Variants in KCNQ5 observed in about 807,000 individuals in gnomAD.
KCNQ5 encodes potassium voltage-gated channel subfamily KQT member 5.
Under a neutral mutation model 98.2 loss-of-function variants are expected in KCNQ5, and 30 were observed. The observed-to-expected ratio is 0.31, with a 90% CI of 0.23 to 0.41. The LOEUF (loss-of-function observed/expected upper bound fraction) is 0.41, where lower values mean the gene tolerates loss of function less well. Ranked by LOEUF, KCNQ5 falls within the 10% of genes least tolerant of loss-of-function variation. The pLI, the probability that KCNQ5 is intolerant of heterozygous loss-of-function variation, is 1.00. For missense variants in KCNQ5, 835 were observed against 1,182.5 expected, an observed-to-expected ratio of 0.71 and a Z score of 4.31; for synonymous variants, 458 against 449.4, an observed-to-expected ratio of 1.02 and a Z score of -0.24.
At chr6:72,663,432 CTAAGAG>C (rs1374766628) in intron 1 of KCNQ5, among the ~76,000 whole-genome samples, 23 of 152,174 alleles carry the variant, frequency 1.5e-4, no homozygotes, top group Middle Eastern at 3.4e-3. Context: ...ACTAGTCTTC[CTAAGAG>C]TGAGTACACC....
chr6:72,728,133 G>C (rs552640979), intron 1 of KCNQ5, among the ~76,000 whole-genome samples: 8 of 152,244 alleles, frequency 5.3e-5, no homozygotes, highest in African/African-American at 1.7e-4. Context: ...GTTATGCAAA[G>C]TCATATAACA....
intron 1 of KCNQ5, among the ~76,000 whole-genome samples, chr6:72,926,955 G>A (rs539180303): frequency 2.0e-5 from 3 of 152,222 alleles, no homozygotes; most frequent in South Asian, 2.1e-4. Flanking sequence ...GAACAATGAT[G>A]TGCTCCAACA....
At position 72,923,091 on chromosome 6, in the gene KCNQ5, T is replaced by C. The variant is rs181029284; in HGVS notation, c.399-80817T>C. 4.2e-3 allele frequency among the ~76,000 whole-genome samples: 646 copies of C among 152,242 alleles called. 4 individuals are homozygous for C. Among genetic ancestry groups the C allele is most frequent in the African/African-American group, 0.015 (623 of 41,538 alleles). On this transcript the variant is annotated intron_variant, in intron 1 of 13. Coordinates refer to ENST00000370398, the MANE Select transcript of KCNQ5 (RefSeq NM_019842.4). ...CCTCCCAAAGTGCTGGGATTACAGA[T>C]GTGAGCCACCGCGCCCAGCCAGGAC...
chr6:72,965,393 C>A (rs1767553011), intron 1 of KCNQ5, among the ~76,000 whole-genome samples: 1 of 152,170 alleles, frequency 6.6e-6, no homozygotes, highest in African/African-American at 2.4e-5. Flanking sequence ...GGGACTTAGT[C>A]CTGTATATCC....
chr6:72,681,177 T>C (rs1424957079), intron 1 of KCNQ5, among the ~76,000 whole-genome samples: 1 of 152,224 alleles, frequency 6.6e-6, no homozygotes. Context: ...AGTTACAACA[T>C]TGAGGACGTG....
rs532247289 is a variant in KCNQ5 at position 73,112,491 on chromosome 6, A to G, written c.1125+1088A>G. Among the ~76,000 whole-genome samples, 475 of 151,442 alleles carry G rather than the reference A, an allele frequency of 3.1e-3. 4 individuals are homozygous for G. Among genetic ancestry groups the G allele is most frequent in the African/African-American group, 8.7e-3 (359 of 41,298 alleles). ...CTCCCGAGTAGCTGGGACTACAGGC[A>G]CCCGCCACCGCGCCCGGCTAATTTT... is the stretch of plus-strand genomic sequence containing the variant. On this transcript the variant is annotated intron_variant, in intron 7 of 13. Transcript: ENST00000370398.
At chr6:73,033,671 C>T (rs1348624663) in intron 2 of KCNQ5, among the ~76,000 whole-genome samples, 1 of 152,112 alleles carries the variant, frequency 6.6e-6, no homozygotes, top group Non-Finnish European at 1.5e-5. Context: ...CCCCTTCACA[C>T]CTTAATCTAA....
At chr6:72,842,674 C>T (rs1776850177) in intron 1 of KCNQ5, among the ~76,000 whole-genome samples, 1 of 152,186 alleles carries the variant, frequency 6.6e-6, no homozygotes, top group Non-Finnish European at 1.5e-5. Context: ...TAATGATCGC[C>T]ATTCTAACTG....
At chr6:72,749,295 T>A (rs530437659) in intron 1 of KCNQ5, among the ~76,000 whole-genome samples, 1 of 152,222 alleles carries the variant, frequency 6.6e-6, no homozygotes, top group Admixed American at 6.5e-5. Flanking sequence ...GTTAGAGTGA[T>A]TTTTGGTTTA....
At chr6:72,909,075 T>C (rs1343972061) in intron 1 of KCNQ5, among the ~76,000 whole-genome samples, 1 of 152,174 alleles carries the variant, frequency 6.6e-6, no homozygotes, top group Admixed American at 6.5e-5. Context: ...CCTTACTTTA[T>C]GATCATCTTT....
chr6:73,085,219 G>A, intron 5 of KCNQ5, among the ~76,000 whole-genome samples: 1 of 152,146 alleles, frequency 6.6e-6, no homozygotes, highest in East Asian at 1.9e-4. Flanking sequence ...TCTTTTTATT[G>A]TAAGCACATC....
At chr6:72,845,528 T>C (rs991736600) in intron 1 of KCNQ5, among the ~76,000 whole-genome samples, 1 of 152,224 alleles carries the variant, frequency 6.6e-6, no homozygotes, top group African/African-American at 2.4e-5. Context: ...TAATGATTAT[T>C]ATATTTTAAA....
At chr6:73,163,045 G>A (rs1240610462) in intron 10 of KCNQ5, among the ~76,000 whole-genome samples, 1 of 152,156 alleles carries the variant, frequency 6.6e-6, no homozygotes, top group East Asian at 1.9e-4. Context: ...ACTGAAATAA[G>A]TGGGTTGGAA....
intron 1 of KCNQ5, among the ~76,000 whole-genome samples, chr6:72,842,915 A>T (rs1034889311): frequency 1.3e-5 from 2 of 151,862 alleles, no homozygotes; most frequent in Non-Finnish European, 2.9e-5. Flanking sequence ...GATTGCAAAA[A>T]TTTTCTCCCA....
chr6:73,150,386 C>T (rs1353116001), intron 10 of KCNQ5, among the ~76,000 whole-genome samples: 10 of 149,676 alleles, frequency 6.7e-5, no homozygotes, highest in African/African-American at 1.2e-4. Context: ...TATGCATGGT[C>T]GTAGTAGCTT....
chr6:73,036,650 C>T (rs1562140576), intron 2 of KCNQ5, among the ~76,000 whole-genome samples: 1 of 152,106 alleles, frequency 6.6e-6, no homozygotes, highest in Non-Finnish European at 1.5e-5. Flanking sequence ...CCTGGCAATT[C>T]ATTTATGTTA....
At chr6:72,877,526 A>C (rs534500682) in intron 1 of KCNQ5, among the ~76,000 whole-genome samples, 1 of 152,320 alleles carries the variant, frequency 6.6e-6, no homozygotes, top group East Asian at 1.9e-4. Flanking sequence ...CAATAAACAT[A>C]CATGTGCATG....
chr6:72,722,126 A>C (rs1225435653), intron 1 of KCNQ5, among the ~76,000 whole-genome samples: 1 of 152,092 alleles, frequency 6.6e-6, no homozygotes, highest in Admixed American at 6.5e-5. Context: ...AAAGGAAGGG[A>C]AACTGATTCT....
chr6:73,139,388 A>T (rs1182895103), intron 10 of KCNQ5, among the ~76,000 whole-genome samples: 1 of 152,108 alleles, frequency 6.6e-6, no homozygotes, highest in Non-Finnish European at 1.5e-5. Context: ...AAATTTAAGG[A>T]TTTAGGTTTG....
Sources: gnomAD v4.1 joint callset for allele counts (sites outside exome capture counted in the v4.1 genomes callset) on GRCh38, gnomAD v4.1.1 for gene constraint, MANE v1.5 for transcripts, NCBI Gene and HGNC (gene_info 2026-07-23, HGNC 2026-07-21) for gene names.